The following STAG1 variants were observed in gnomAD, a reference collection of about 807,000 sequenced individuals.
The protein encoded by STAG1 is cohesin subunit SA-1.
In STAG1, 26 loss-of-function variants were observed where a neutral mutation model predicts 170.9. The observed-to-expected ratio is 0.15, with a 90% confidence interval of 0.11 to 0.21. The LOEUF (loss-of-function observed/expected upper bound fraction) is 0.21. STAG1 is among the 10% of genes least tolerant of loss of function. The pLI is 1.00. For missense variants in STAG1, 964 were observed against 1,509.5 expected, an observed-to-expected ratio of 0.64 and a Z score of 5.99; for synonymous variants, 514 against 497.7, an observed-to-expected ratio of 1.03 and a Z score of -0.44.
At chr3:136,654,999 C>A (rs1300914318) in intron 1 of STAG1, among the ~76,000 whole-genome samples, 3 of 152,128 alleles carry the variant, frequency 2.0e-5, no homozygotes, top group Non-Finnish European at 4.4e-5. Flanking sequence ...TCAAATGGAT[C>A]AAAGACCTAA....
chr3:136,390,002 T>G (rs1027570980), intron 22 of STAG1, among the ~76,000 whole-genome samples: 9 of 151,948 alleles, frequency 5.9e-5, no homozygotes, highest in African/African-American at 2.2e-4. Flanking sequence ...CAACTAATTT[T>G]TTCTATTTTT....
chr3:136,375,920 G>C lies in STAG1; in HGVS notation c.2370+1740C>G, dbSNP rs544031017. On this transcript the variant is annotated intron_variant, in intron 23 of 33. Coordinates refer to ENST00000383202, the MANE Select transcript of STAG1 (RefSeq NM_005862.3). ...GGAGGTGGAGGTTGCAGTGAGCCGA[G>C]ATCACGCCACTGCACACCAGCCCGG... 2.0e-5 allele frequency among the ~76,000 whole-genome samples: 3 copies of C among 150,572 alleles called. No individual in the cohort carries two copies. The East Asian group carries it at 5.9e-4, about 30-fold the overall frequency.
intron 9 of STAG1, among the ~76,000 whole-genome samples, chr3:136,495,511 C>A (rs1466141616): frequency 6.6e-6 from 1 of 152,056 alleles, no homozygotes; most frequent in African/African-American, 2.4e-5. Context: ...TACATCTGTT[C>A]ACGAACTTAT....
chr3:136,384,644 C>T (rs1355107834), intron 22 of STAG1, among the ~76,000 whole-genome samples: 6 of 151,828 alleles, frequency 4.0e-5, no homozygotes, highest in Non-Finnish European at 5.9e-5. Context: ...ATGGCATACG[C>T]CTTTAGTCCC....
intron 22 of STAG1, among the ~76,000 whole-genome samples, chr3:136,395,791 ACTAT>A (rs972754080): frequency 5.3e-5 from 8 of 152,220 alleles, no homozygotes; most frequent in African/African-American, 1.9e-4. Context: ...TGTGGGAAAA[ACTAT>A]CTAAAACTCA....
intron 9 of STAG1, among the ~76,000 whole-genome samples, chr3:136,486,999 CAAAAAAAAAAAAAAAAAAAAA>C (rs536392595): frequency 9.1e-5 from 5 of 54,662 alleles, no homozygotes; most frequent in South Asian, 1.6e-3. Flanking sequence ...TTTATTTCTT[CAAAAAAAAAAAAAAAAAAAAA>C]AAAAAAAAAA....
intron 21 of STAG1, among the ~76,000 whole-genome samples, chr3:136,399,447 T>G (rs547532738): frequency 6.6e-6 from 1 of 152,296 alleles, no homozygotes; most frequent in East Asian, 2.0e-4. Context: ...TCCTAGTTTT[T>G]TACGCATATC....
At chr3:136,468,477 T>C (rs950653500) in intron 12 of STAG1, among the ~76,000 whole-genome samples, 1 of 152,154 alleles carries the variant, frequency 6.6e-6, no homozygotes, top group Non-Finnish European at 1.5e-5. Context: ...AATCCCTGAA[T>C]AGACCAATAA....
intron 1 of STAG1, among the ~76,000 whole-genome samples, chr3:136,640,272 T>C (rs1227595124): frequency 6.6e-6 from 1 of 152,210 alleles, no homozygotes; most frequent in Non-Finnish European, 1.5e-5. Flanking sequence ...ATATTGTTTA[T>C]TGAAAAATAA....
At chr3:136,393,574 C>T (rs1182053696) in intron 22 of STAG1, among the ~76,000 whole-genome samples, 1 of 151,744 alleles carries the variant, frequency 6.6e-6, no homozygotes, top group East Asian at 1.9e-4. Flanking sequence ...CAACAAAGTC[C>T]CTTCCTACGC....
intron 22 of STAG1, among the ~76,000 whole-genome samples, chr3:136,392,659 G>C (rs541271556): frequency 1.0e-3 from 155 of 151,758 alleles, no homozygotes; most frequent in Non-Finnish European, 9.0e-4. Flanking sequence ...CCAGCTACTG[G>C]GGAGGCTGAC....
At chr3:136,463,789 A>ACACACACG (rs1285975914) in intron 13 of STAG1, among the ~76,000 whole-genome samples, 2 of 128,636 alleles carry the variant, frequency 1.6e-5, no homozygotes, top group Admixed American at 7.8e-5. Flanking sequence ...ACACACACAC[A>ACACACACG]CATATACATA....
At chr3:136,503,357 A>G (rs1176156650) in intron 7 of STAG1, among the ~76,000 whole-genome samples, 1 of 152,180 alleles carries the variant, frequency 6.6e-6, no homozygotes, top group African/African-American at 2.4e-5. Flanking sequence ...TGAATTTCCA[A>G]TTGACCTATC....
At chr3:136,550,315 T>C (rs1936329871) in intron 5 of STAG1, among the ~76,000 whole-genome samples, 1 of 151,726 alleles carries the variant, frequency 6.6e-6, no homozygotes, top group African/African-American at 2.4e-5. Flanking sequence ...TTCAGCCTTT[T>C]TTTTTTTTTT....
At chr3:136,430,806 G>GAGACACACAC in intron 16 of STAG1, among the ~76,000 whole-genome samples, 1 of 131,160 alleles carries the variant, frequency 7.6e-6, no homozygotes, top group East Asian at 2.4e-4. Flanking sequence ...GACATAGACA[G>GAGACACACAC]ACACACACAC....
At chr3:136,618,714 C>G (rs1418237823) in intron 3 of STAG1, among the ~76,000 whole-genome samples, 1 of 151,980 alleles carries the variant, frequency 6.6e-6, no homozygotes, top group Non-Finnish European at 1.5e-5. Context: ...TTTTTCTTTT[C>G]TTTAAGGGAT....
chr3:136,566,904 C>A (rs970778201), intron 5 of STAG1, among the ~76,000 whole-genome samples: 1 of 152,004 alleles, frequency 6.6e-6, no homozygotes, highest in South Asian at 2.1e-4. Flanking sequence ...ATGCAATGAG[C>A]CTGTGTTTTT....
At chr3:136,510,746 G>T (rs1934025859) in intron 7 of STAG1, among the ~76,000 whole-genome samples, 1 of 151,768 alleles carries the variant, frequency 6.6e-6, no homozygotes, top group African/African-American at 2.4e-5. Flanking sequence ...AGAGTAGCTG[G>T]GATTACAGGT....
chr3:136,549,658 G>GTT (rs34179977), intron 5 of STAG1, among the ~76,000 whole-genome samples: 121 of 144,612 alleles, frequency 8.4e-4, no homozygotes, highest in East Asian at 5.3e-3. Context: ...CACTTCTTCC[G>GTT]TTTTTTTTTT....
Sources: allele counts gnomAD v4.1 joint callset (sites outside exome capture counted in the v4.1 genomes callset), GRCh38; gene constraint gnomAD v4.1.1; transcripts MANE v1.5; gene names NCBI Gene and HGNC (gene_info 2026-07-23, HGNC 2026-07-21).